Variants in NUCB1 observed in about 807,000 individuals in gnomAD.
NUCB1 encodes the protein nucleobindin 1, also known as nucleobindin-1.
In NUCB1, 47 loss-of-function variants were observed where a neutral mutation model predicts 61.2. The ratio of observed to expected loss-of-function variants is 0.77; its 90% CI spans 0.61 to 0.98. The LOEUF (loss-of-function observed/expected upper bound fraction) is 0.98. Among genes scored for constraint, NUCB1 ranks in the 50% least tolerant of loss-of-function variants. NUCB1 has a pLI of 0.00. For missense variants in NUCB1, 583 were observed against 605.3 expected (o/e 0.96, Z 0.39); for synonymous variants, 234 against 243.1 (o/e 0.96, Z 0.35).
At chr19:48,906,275 A>G (rs1279571271) in intron 4 of NUCB1, among the ~76,000 whole-genome samples, 3 of 151,876 alleles carry the variant, frequency 2.0e-5, no homozygotes, top group East Asian at 1.9e-4. Flanking sequence ...ATGGTGGTGC[A>G]CGCCTGTAAT....
At chr19:48,919,683 GGC>G (rs1251852775) in intron 10 of NUCB1, among the ~76,000 whole-genome samples, 1 of 151,326 alleles carries the variant, frequency 6.6e-6, no homozygotes, top group African/African-American at 2.4e-5. Flanking sequence ...TCACCATGTT[GGC>G]CAGGCTGGTC....
chr19:48,902,113 G>T (rs1247139972), intron 2 of NUCB1, among the ~76,000 whole-genome samples: 1 of 152,122 alleles, frequency 6.6e-6, no homozygotes, highest in Non-Finnish European at 1.5e-5. Context: ...GAGGAAGGGA[G>T]GCGTGAGTTG....
chr19:48,913,331 C>G, intron 6 of NUCB1, 135 bp downstream of exon 6: 8 of 1,213,678 alleles, frequency 6.6e-6, no homozygotes, highest in South Asian at 1.4e-5. Flanking sequence ...CTGGCTGCCC[C>G]AGGGTCTGCT....
In NUCB1 at chr19:48,904,471, G is replaced by A; in HGVS notation, c.243+17G>A. The A allele has an allele frequency of 6.5e-7, 1 of 1,540,486 alleles. No individual in the cohort carries two copies. Among genetic ancestry groups the A allele is most frequent in the East Asian group, 2.2e-5 (1 of 44,484 alleles). On this transcript the variant is annotated intron_variant, in intron 3 of 12. Transcript: ENST00000405315. ...GACATCAAGGTGCGGCTGGGGGAGT[G>A]GGGGCTGTGGGAGGGGTACGTGCTG...
At chr19:48,906,011 A>G (rs2037409741) in intron 4 of NUCB1, 126 bp downstream of exon 4, 2 of 918,192 alleles carry the variant, frequency 2.2e-6, no homozygotes, top group Non-Finnish European at 3.3e-6. Flanking sequence ...ATGTGCTGAA[A>G]TGTGCGTGGG....
chr19:48,902,425 T>TC (rs2037362082), intron 2 of NUCB1, among the ~76,000 whole-genome samples: 1 of 148,270 alleles, frequency 6.7e-6, no homozygotes, highest in South Asian at 2.1e-4. Flanking sequence ...TTTTTCTTTT[T>TC]TTTTTTTTTT....
chr19:48,914,205 A>G (rs2037513584), intron 7 of NUCB1, among the ~76,000 whole-genome samples: 3 of 151,694 alleles, frequency 2.0e-5, no homozygotes, highest in African/African-American at 7.3e-5. Context: ...CGAACTCCCA[A>G]CCTCGTGTGA....
intron 2 of NUCB1, among the ~76,000 whole-genome samples, chr19:48,903,101 C>G (rs2037369771): frequency 6.6e-6 from 1 of 152,098 alleles, no homozygotes; most frequent in Admixed American, 6.6e-5. Flanking sequence ...AGCTACCATG[C>G]CTGGCCTTCT....
At chr19:48,912,911 G>C in intron 5 of NUCB1, 100 bp from the exon 6 acceptor site, 1 of 768,288 alleles carries the variant, frequency 1.3e-6, no homozygotes, top group South Asian at 2.2e-5. Context: ...GGCTGGGGCT[G>C]CCCTCAGCCA....
At chr19:48,908,548 TCA>T (rs1360125222) in intron 4 of NUCB1, among the ~76,000 whole-genome samples, 2 of 152,112 alleles carry the variant, frequency 1.3e-5, no homozygotes, top group African/African-American at 4.8e-5. Context: ...AATTTGAGAT[TCA>T]GTTTGTACCT....
At position 48,919,133 on chromosome 19, in the gene NUCB1, G is replaced by T; in HGVS notation, c.909+11G>T. 1 of 1,614,016 alleles carries T rather than the reference G, an allele frequency of 6.2e-7. No individual in the cohort carries two copies. The highest frequency in any genetic ancestry group is 8.5e-7 in the Non-Finnish European group (1 of 1,179,950). On this transcript the variant is annotated intron_variant, in intron 9 of 12. Transcript: ENST00000405315. The stretch of plus-strand genomic sequence containing the variant: ...CATGTGATGAAGAATGTGAGGTGGG[G>T]GCCAGGCGGGGGAGAGGACGGGCCC...
At chr19:48,901,620 TGGG>T (rs2037354152) in intron 2 of NUCB1, among the ~76,000 whole-genome samples, 3 of 152,188 alleles carry the variant, frequency 2.0e-5, no homozygotes, top group African/African-American at 7.2e-5. Flanking sequence ...AGAAATTAGC[TGGG>T]CGTGGTGGCT....
At chr19:48,912,019 CTTTTTTT>C (rs60333122) in intron 5 of NUCB1, among the ~76,000 whole-genome samples, 1 of 128,630 alleles carries the variant, frequency 7.8e-6, no homozygotes, top group East Asian at 2.1e-4. Flanking sequence ...TTTATTTTTA[CTTTTTTT>C]TTTTTTTTTT....
rs201423625 is a variant in NUCB1, at chr19:48,904,369, G to T, written c.158G>T (p.Arg53Leu). 7 of 1,612,998 alleles carry T rather than the reference G, an allele frequency of 4.3e-6. No homozygotes were observed. The highest frequency in any genetic ancestry group is 5.9e-6 in the Non-Finnish European group (7 of 1,179,318). Residue 53 changes from arginine (R) to leucine (L), a missense_variant, in exon 3 of 13, where the codon CGG becomes CTG. By Grantham distance (102) the Arg-to-Leu change is moderately radical. Transcript: ENST00000405315. Reference sequence around the variant, plus strand: ...CAGGACACAGGCCTGTACTACCACCGGTACCTCCAGGAGGTCATCGATGTA... The same window carrying T: ...CAGGACACAGGCCTGTACTACCACCTGTACCTCCAGGAGGTCATCGATGTA... ...ESPDTGLYYH[R>L]YLQEVIDVLE...
Position 48,919,030 on chromosome 19 carries a change from C to G in NUCB1, c.817C>G (p.Leu273Val). 3.1e-6 allele frequency: 5 copies of G among 1,613,702 alleles called. 1 individual carries two copies. Reference sequence around the variant, plus strand: ...GTCTGCCTCTCGCTTGCTCCTGCAGCTGGAGAAAGTGTACGACCCAAAGAA... The same window carrying G: ...GTCTGCCTCTCGCTTGCTCCTGCAGGTGGAGAAAGTGTACGACCCAAAGAA... ...QELEALFTKELEKVYDPKNEE... is the reference protein window; with the variant it reads ...QELEALFTKEVEKVYDPKNEE... Residue 273 changes from leucine (L) to valine (V), a missense_variant and splice_region_variant, in exon 9 of 13, where the codon CTG (leucine) becomes GTG (valine). By Grantham distance (32) the Leu-to-Val change is conservative. Transcript: ENST00000405315.
rs1325804709 is a variant in NUCB1 at position 48,912,996 on chromosome 19, T to C, written c.481-15T>C. The C allele has an allele frequency of 6.3e-7, 1 of 1,593,662 alleles. No individual in the cohort carries two copies. Among genetic ancestry groups the C allele is most frequent in the Non-Finnish European group, 8.6e-7 (1 of 1,168,528 alleles). On this transcript the variant is annotated splice_polypyrimidine_tract_variant and intron_variant, in intron 5 of 12. Coordinates refer to ENST00000405315, the MANE Select transcript of NUCB1 (RefSeq NM_006184.6). ...CAGAGGGGGCAGAGGGGAATGACCCTGTGCCTTTCCCCAGGCCACCCGGGA... is the reference window on the plus strand; with the variant it reads ...CAGAGGGGGCAGAGGGGAATGACCCCGTGCCTTTCCCCAGGCCACCCGGGA...
Position 48,921,220 on chromosome 19 carries a change from C to A in NUCB1, c.1069C>A (p.Arg357=), listed in dbSNP as rs370804111. 11 of 1,613,254 alleles carry A rather than the reference C, an allele frequency of 6.8e-6. No homozygotes were observed. In the Middle Eastern group the frequency reaches 5.0e-4, roughly 73 times the overall value. ...GCGCTTTGAAGAGGAGCTGGCTGCC[C>A]GGGAGGCAGAGCTGAATGCCAAGGC... ...LRRFEEELAA[R]EAELNAKAQR... The change falls in exon 11 of 13, where the codon CGG becomes AGG. Residue 357 remains arginine, a synonymous_variant. Transcript: ENST00000405315.
chr19:48,905,929 G>GGGGGT, intron 4 of NUCB1, 44 bp downstream of exon 4: 1 of 965,760 alleles, frequency 1.0e-6, no homozygotes, highest in Non-Finnish European at 1.6e-6. Context: ...GAGGGGTGGG[G>GGGGGT]AAGGGTGGCC....
At chr19:48,904,955 T>C (rs1331234779) in intron 3 of NUCB1, among the ~76,000 whole-genome samples, 1 of 147,572 alleles carries the variant, frequency 6.8e-6, no homozygotes, top group Non-Finnish European at 1.5e-5. Context: ...AGAATACGTG[T>C]TTAGTGCAGA....
Sources: allele counts gnomAD v4.1 joint callset (sites outside exome capture counted in the v4.1 genomes callset), GRCh38; gene constraint gnomAD v4.1.1; transcripts MANE v1.5; gene names NCBI Gene and HGNC (gene_info 2026-07-23, HGNC 2026-07-21).